Variants in OR1L8 observed in about 807,000 individuals in gnomAD.
OR1L8 encodes the protein olfactory receptor family 1 subfamily L member 8.
For synonymous variants in OR1L8, 148 were observed against 147.0 expected (o/e 1.01, Z -0.05); for missense variants, 330 against 377.4 (o/e 0.87, Z 1.04).
Position 122,572,849 on chromosome 9 carries a change from TC to T in OR1L8, c.-283del, listed in dbSNP as rs1829577762. The T allele has an allele frequency of 6.6e-6, 1 of 152,350 alleles. No homozygotes were observed. Among genetic ancestry groups the T allele is most frequent in the East Asian group, 1.9e-4 (1 of 5,176 alleles). 9.4% of individuals were successfully genotyped at this position (152,350 alleles called of 1,614,324 possible). On this transcript the variant is annotated 5_prime_UTR_variant, in exon 4 of 5. An upstream open reading frame in the 5' UTR loses its in-frame stop. Coordinates refer to ENST00000641027, the MANE Select transcript of OR1L8 (RefSeq NM_001004454.2). The stretch of plus-strand genomic sequence containing the variant: ...GTGGATCTTCTGCACATCTGTGATT[TC>T]CAACTCTGCTTCTTAGCCAAAGCTC...
the OR1L8 span, among the ~76,000 whole-genome samples, chr9:122,558,255 T>G: frequency 6.6e-6 from 1 of 150,936 alleles, no homozygotes; most frequent in South Asian, 2.1e-4. Context: ...TTTCTTGTGC[T>G]TACTTTGGAT....
At chr9:122,551,289 C>T in the OR1L8 span, among the ~76,000 whole-genome samples, 73 of 152,246 alleles carry the variant, frequency 4.8e-4, no homozygotes, top group East Asian at 0.012. Context: ...GTGGGGATTC[C>T]ACTCTCTCCA....
At chr9:122,558,575 T>C in the OR1L8 span, among the ~76,000 whole-genome samples, 1 of 151,762 alleles carries the variant, frequency 6.6e-6, no homozygotes, top group Admixed American at 6.6e-5. Context: ...TGTGATGCCT[T>C]CAAGAACATA....
At chr9:122,551,927 G>C in the OR1L8 span, among the ~76,000 whole-genome samples, 2 of 152,174 alleles carry the variant, frequency 1.3e-5, no homozygotes, top group East Asian at 3.9e-4. Flanking sequence ...AAAGGTCTCA[G>C]AGTTTTTTAT....
intron 4 of OR1L8, among the ~76,000 whole-genome samples, chr9:122,572,579 G>GTT (rs76223207): frequency 1.5e-4 from 22 of 147,992 alleles, no homozygotes; most frequent in South Asian, 6.4e-4. Flanking sequence ...TTTGGGTTTG[G>GTT]TTTTTTTTTT....
the OR1L8 span, among the ~76,000 whole-genome samples, chr9:122,548,884 A>G: frequency 6.6e-6 from 1 of 151,614 alleles, no homozygotes; most frequent in Non-Finnish European, 1.5e-5. Flanking sequence ...TGTCAGATGC[A>G]TAGTTGGCAA....
At chr9:122,576,719 A>G (rs1829664381) in intron 3 of OR1L8, 47 bp downstream of exon 3, 1 of 152,210 alleles carries the variant, frequency 6.6e-6, no homozygotes, top group African/African-American at 2.4e-5. Flanking sequence ...AGACTTGTCT[A>G]CACTGAGCCT....
At chr9:122,552,564 CAG>C in the OR1L8 span, among the ~76,000 whole-genome samples, 1,049 of 152,090 alleles carry the variant, frequency 6.9e-3, 12 homozygotes, top group African/African-American at 0.024. Context: ...AACATCCTAA[CAG>C]TGGATGGGGG....
At position 122,568,891 on chromosome 9, in the gene OR1L8, A is replaced by C. The variant is rs188762896; in HGVS notation, c.-212-202T>G. On this transcript the variant is annotated intron_variant, in intron 4 of 4. Coordinates refer to ENST00000641027, the MANE Select transcript of OR1L8 (RefSeq NM_001004454.2). ...TATACTACAAAATATGTAGTATAGC[A>C]TCAGTTAGGGATACATTTTATGAAC... Among the ~76,000 whole-genome samples, 136 of 152,230 alleles carry C rather than the reference A, an allele frequency of 8.9e-4. 1 individual carries two copies. Among genetic ancestry groups the C allele is most frequent in the Admixed American group, 2.3e-3 (35 of 15,290 alleles).
At chr9:122,564,744 C>A (rs1829403224), downstream of OR1L8, among the ~76,000 whole-genome samples, 2 of 152,198 alleles carry the variant, frequency 1.3e-5, no homozygotes, top group Admixed American at 1.3e-4. Flanking sequence ...ATTGATCTGG[C>A]AAATGACTTT....
the OR1L8 span, among the ~76,000 whole-genome samples, chr9:122,551,882 C>T: frequency 6.6e-6 from 1 of 152,096 alleles, no homozygotes; most frequent in African/African-American, 2.4e-5. Context: ...AAACTCTGGA[C>T]TCAATAGACC....
At chr9:122,553,749 T>C in the OR1L8 span, 138,174 of 1,613,794 alleles carry the variant, frequency 0.086, 6,543 homozygotes, top group Middle Eastern at 0.12. Context: ...CATCCCTCAT[T>C]TCTATTGTGA....
chr9:122,553,618 G>A, the OR1L8 span: 1 of 1,614,082 alleles, frequency 6.2e-7, no homozygotes, highest in Non-Finnish European at 8.5e-7. Flanking sequence ...CTCCATTACA[G>A]CACATCTATG....
At chr9:122,551,850 A>G in the OR1L8 span, among the ~76,000 whole-genome samples, 1 of 152,102 alleles carries the variant, frequency 6.6e-6, no homozygotes, top group Non-Finnish European at 1.5e-5. Flanking sequence ...AAATCGAGCC[A>G]TACACTTCAG....
intron 1 of OR1L8, among the ~76,000 whole-genome samples, 154 bp from the exon 2 acceptor site, chr9:122,578,599 A>G (rs1829697180): frequency 6.6e-6 from 1 of 152,192 alleles, no homozygotes; most frequent in Non-Finnish European, 1.5e-5. Flanking sequence ...ATATATACAT[A>G]TACCATGGAA....
In OR1L8 at chr9:122,568,690, C is replaced by G; in HGVS notation, c.-212-1G>C. On this transcript the variant is annotated splice_acceptor_variant, in intron 4 of 4. Coordinates refer to ENST00000641027, the MANE Select transcript of OR1L8 (RefSeq NM_001004454.2). LOFTEE classifies it low-confidence loss of function (5UTR_SPLICE). ...CTCCATAAGGGCATTATATTGAAAT[C>G]TGGAGGGACAGAGGGAGAGTTTTCC... 1 of 461,666 alleles carries G rather than the reference C, an allele frequency of 2.2e-6. No individual in the cohort carries two copies. Among genetic ancestry groups the G allele is most frequent in the Non-Finnish European group, 3.8e-6 (1 of 264,976 alleles). 28.6% of individuals were successfully genotyped at this position (461,666 alleles called of 1,614,324 possible).
At position 122,568,692 on chromosome 9, in the gene OR1L8, G is replaced by T; in HGVS notation, c.-212-3C>A. The T allele has an allele frequency of 6.6e-6, 3 of 457,660 alleles. No homozygotes were observed. Among genetic ancestry groups the T allele is most frequent in the East Asian group, 3.4e-5 (1 of 29,560 alleles). The allele number at this position is 457,660 out of a possible 1,614,324, so 28.3% of individuals were successfully genotyped here. A position where few individuals can be genotyped will look rare whatever the true frequency, so the allele number is the denominator to read the frequency against. ...CCATAAGGGCATTATATTGAAATCTGGAGGGACAGAGGGAGAGTTTTCCTT... is the reference window on the plus strand; with the variant it reads ...CCATAAGGGCATTATATTGAAATCTTGAGGGACAGAGGGAGAGTTTTCCTT... On this transcript the variant is annotated splice_polypyrimidine_tract_variant and splice_region_variant and intron_variant, in intron 4 of 4. Coordinates refer to ENST00000641027, the MANE Select transcript of OR1L8 (RefSeq NM_001004454.2).
At chr9:122,579,101 A>G (rs1829707151) in intron 1 of OR1L8, among the ~76,000 whole-genome samples, 1 of 152,142 alleles carries the variant, frequency 6.6e-6, no homozygotes, top group African/African-American at 2.4e-5. Context: ...TATATGTACA[A>G]GGATAGTACA....
At chr9:122,558,360 C>G in the OR1L8 span, among the ~76,000 whole-genome samples, 1 of 82,810 alleles carries the variant, frequency 1.2e-5, no homozygotes. Context: ...TTAAATTCAA[C>G]TGGTGTTTTA....
Sources: allele counts gnomAD v4.1 joint callset (sites outside exome capture counted in the v4.1 genomes callset), GRCh38; gene constraint gnomAD v4.1.1; transcripts MANE v1.5; gene names NCBI Gene and HGNC (gene_info 2026-07-23, HGNC 2026-07-21).